Variants in WDR41 observed in about 807,000 individuals in gnomAD.
The protein encoded by WDR41 is WD repeat domain 41.
A neutral mutation model predicts 69.3 loss-of-function variants in WDR41; 63 were observed. That is an observed-to-expected ratio of 0.91 (90% CI 0.74 to 1.12). WDR41 has a LOEUF of 1.12. Ranked by LOEUF, WDR41 falls within the 50% of genes most tolerant of loss-of-function variation. WDR41 has a pLI of 0.00. For missense variants in WDR41, 543 were observed against 534.5 expected, an observed-to-expected ratio of 1.02 and a Z score of -0.16; for synonymous variants, 185 against 192.1, an observed-to-expected ratio of 0.96 and a Z score of 0.31.
chr5:77,432,353 T>A lies in WDR41; in HGVS notation c.*782A>T, dbSNP rs1362337538. On this transcript the variant is annotated 3_prime_UTR_variant, in exon 13 of 13. Transcript: ENST00000296679. ...CAAAGAACTACATAAAAGAAGTCTG[T>A]CTCAAGCAGTTCGTATTTGAGTCAG... The A allele has an allele frequency of 6.6e-6, 1 of 152,506 alleles. No individual in the cohort carries two copies. Among genetic ancestry groups the A allele is most frequent in the Non-Finnish European group, 1.5e-5 (1 of 68,052 alleles). The allele number at this position is 152,506 out of a possible 1,614,324, so 9.4% of individuals were successfully genotyped here. A position where few individuals can be genotyped will look rare whatever the true frequency, so the allele number is the denominator to read the frequency against.
chr5:77,486,541 G>A (rs1037099766), intron 2 of WDR41, among the ~76,000 whole-genome samples: 6 of 152,200 alleles, frequency 3.9e-5, no homozygotes, highest in African/African-American at 1.4e-4. Flanking sequence ...TTTGGCTGAC[G>A]AAACAGCAGC....
intron 2 of WDR41, among the ~76,000 whole-genome samples, chr5:77,469,833 A>C (rs946172091): frequency 2.0e-5 from 3 of 152,190 alleles, no homozygotes; most frequent in Admixed American, 2.0e-4. Flanking sequence ...GGGAGAATGG[A>C]ACCAAGTTGG....
chr5:77,506,759 CTG>C (rs960542305), intron 1 of WDR41, among the ~76,000 whole-genome samples: 2 of 152,172 alleles, frequency 1.3e-5, no homozygotes, highest in Middle Eastern at 3.4e-3. Flanking sequence ...AAGCTGGAAA[CTG>C]TCATTCTCAG....
chr5:77,523,187 G>A (rs923031947), intron 1 of WDR41, among the ~76,000 whole-genome samples: 10 of 151,698 alleles, frequency 6.6e-5, no homozygotes, highest in South Asian at 4.2e-4. Flanking sequence ...GATGGTGCAC[G>A]CCTGTAATCC....
At chr5:77,454,686 A>G (rs1405864867) in intron 5 of WDR41, among the ~76,000 whole-genome samples, 3 of 152,224 alleles carry the variant, frequency 2.0e-5, no homozygotes, top group Non-Finnish European at 2.9e-5. Context: ...CAAGGGCAAG[A>G]GCGAGAGAGA....
At chr5:77,524,131 A>C (rs1213692738) in intron 1 of WDR41, among the ~76,000 whole-genome samples, 1 of 152,248 alleles carries the variant, frequency 6.6e-6, no homozygotes, top group East Asian at 1.9e-4. Flanking sequence ...TAAAGAAAAT[A>C]TGACAGATTT....
intron 1 of WDR41, among the ~76,000 whole-genome samples, chr5:77,594,296 A>G (rs548728726): frequency 6.6e-6 from 1 of 151,154 alleles, no homozygotes; most frequent in Admixed American, 6.6e-5. Flanking sequence ...GGATAGCATT[A>G]GGAGATATAC....
At chr5:77,444,910 TAGA>T (rs1469983391) in intron 8 of WDR41, among the ~76,000 whole-genome samples, 1 of 152,014 alleles carries the variant, frequency 6.6e-6, no homozygotes, top group Non-Finnish European at 1.5e-5. Context: ...ATCCAAAAGC[TAGA>T]AGAAGACAAG....
Position 77,433,191 on chromosome 5 carries a change from T to G in WDR41, c.1324A>C (p.Ser442Arg). ...KNGERESGLR[S>R]LRLFQKLEEN... ...TCTAATTTTTGAAATAATCTTAAAC[T>G]GCGCAATCCAGATTCTCGCTCTCCA... The change falls in exon 13 of 13, where the codon AGT (serine) becomes CGT (arginine). Residue 442 changes from serine to arginine, a missense_variant. Coordinates refer to ENST00000296679, the MANE Select transcript of WDR41 (RefSeq NM_018268.4). 1.2e-6 allele frequency: 2 copies of G among 1,614,026 alleles called. No individual in the cohort carries two copies. The highest frequency in any genetic ancestry group is 1.7e-6 in the Non-Finnish European group (2 of 1,179,948).
At chr5:77,498,886 C>A (rs1227965667) in intron 1 of WDR41, among the ~76,000 whole-genome samples, 2 of 150,810 alleles carry the variant, frequency 1.3e-5, no homozygotes, top group Non-Finnish European at 3.0e-5. Context: ...GATTTTATCT[C>A]AAAAGTACAA....
intron 2 of WDR41, among the ~76,000 whole-genome samples, chr5:77,468,596 A>G (rs1800410891): frequency 6.6e-6 from 1 of 152,194 alleles, no homozygotes; most frequent in African/African-American, 2.4e-5. Context: ...CCTTTCAACT[A>G]AGTGAAGGTC....
Position 77,510,766 on chromosome 5 carries a change from ATTT to A in WDR41, c.43-21197_43-21195del, listed in dbSNP as rs58752727. Among the ~76,000 whole-genome samples the A allele has an allele frequency of 3.3e-3, 332 of 99,560 alleles. 2 individuals are homozygous for A. The highest frequency in any genetic ancestry group is 7.1e-3 in the Middle Eastern group (1 of 140). The allele number at this position is 99,560 out of a possible 152,430, so 65.3% of individuals were successfully genotyped here. The stretch of plus-strand genomic sequence containing the variant: ...CTAGGTTTTTCTGACTCCAAATTCA[ATTT>A]TTTTTTTTTTTTTTTTTTTTGAGAT... On this transcript the variant is annotated intron_variant, in intron 1 of 5. Coordinates refer to the WDR41 transcript ENST00000509971.
intron 1 of WDR41, among the ~76,000 whole-genome samples, chr5:77,507,938 A>G (rs924081095): frequency 3.9e-5 from 6 of 151,968 alleles, no homozygotes; most frequent in South Asian, 2.1e-4. Flanking sequence ...GGTTTTCTTC[A>G]TTCTTCTTTC....
At chr5:77,563,551 C>T (rs1163794828) in intron 1 of WDR41, among the ~76,000 whole-genome samples, 2 of 152,130 alleles carry the variant, frequency 1.3e-5, no homozygotes, top group South Asian at 4.1e-4. Context: ...AAGGTACATG[C>T]AGCTTGCTTT....
chr5:77,477,749 A>G (rs1801014831), intron 2 of WDR41, among the ~76,000 whole-genome samples: 2 of 112,902 alleles, frequency 1.8e-5, no homozygotes. Context: ...ACACCCTAAC[A>G]TCACAATTAA....
intron 8 of WDR41, among the ~76,000 whole-genome samples, chr5:77,447,350 A>C (rs959683943): frequency 4.6e-5 from 7 of 152,218 alleles, no homozygotes; most frequent in African/African-American, 1.4e-4. Context: ...TGTGGAAGAC[A>C]GTATGGCGAT....
intron 2 of WDR41, among the ~76,000 whole-genome samples, chr5:77,470,788 G>C (rs1800556993): frequency 6.6e-6 from 1 of 152,264 alleles, no homozygotes; most frequent in Admixed American, 6.5e-5. Flanking sequence ...CAAGTCCTTA[G>C]AGACCTAGAA....
At chr5:77,484,330 C>G (rs547256928) in intron 2 of WDR41, among the ~76,000 whole-genome samples, 1 of 152,136 alleles carries the variant, frequency 6.6e-6, no homozygotes, top group African/African-American at 2.4e-5. Context: ...CGAAATTCCC[C>G]GCTTGATTCA....
intron 6 of WDR41, chr5:77,452,702 T>A (rs1799674545): frequency 6.6e-6 from 1 of 152,188 alleles, no homozygotes; most frequent in African/African-American, 2.4e-5. Context: ...TTCCCATAGA[T>A]ACCCTCAAAG....
Sources: gnomAD v4.1 joint callset for allele counts (sites outside exome capture counted in the v4.1 genomes callset) on GRCh38, gnomAD v4.1.1 for gene constraint, MANE v1.5 for transcripts, NCBI Gene and HGNC (gene_info 2026-07-23, HGNC 2026-07-21) for gene names.